The following CLIC4 variants were observed in gnomAD, a reference collection of about 807,000 sequenced individuals.
CLIC4 encodes the protein CLIC family member 4, also known as chloride intracellular channel protein 4.
Under a neutral mutation model 24.6 loss-of-function variants are expected in CLIC4, and 13 were observed. That is an observed-to-expected ratio of 0.53 (90% CI 0.34 to 0.84). CLIC4 has a LOEUF of 0.84. CLIC4 is among the 40% of genes least tolerant of loss of function. The probability of loss-of-function intolerance (pLI) is 0.01; values close to 1 mark genes in which losing one functional copy is unlikely to be tolerated. For missense variants in CLIC4, 227 were observed against 301.7 expected, an observed-to-expected ratio of 0.75 and a Z score of 1.83; for synonymous variants, 104 against 111.3, an observed-to-expected ratio of 0.93 and a Z score of 0.41.
At chr1:24,775,667 C>A (rs1639130121) in intron 1 of CLIC4, among the ~76,000 whole-genome samples, 1 of 150,770 alleles carries the variant, frequency 6.6e-6, no homozygotes, top group Admixed American at 6.6e-5. Flanking sequence ...CTAGAATTTA[C>A]ATTTTTGTGT....
At chr1:24,807,131 TA>T (rs570254600) in intron 2 of CLIC4, among the ~76,000 whole-genome samples, 3 of 150,310 alleles carry the variant, frequency 2.0e-5, no homozygotes. Flanking sequence ...CCCCCATCTC[TA>T]AAAAAAAAGA....
intron 1 of CLIC4, among the ~76,000 whole-genome samples, chr1:24,795,074 T>C (rs1012439479): frequency 2.6e-5 from 4 of 152,138 alleles, no homozygotes; most frequent in Non-Finnish European, 5.9e-5. Context: ...GAAATAACTA[T>C]TGGGCTCTAG....
intron 1 of CLIC4, among the ~76,000 whole-genome samples, chr1:24,796,638 C>T (rs1240885637): frequency 6.6e-6 from 1 of 152,172 alleles, no homozygotes; most frequent in African/African-American, 2.4e-5. Context: ...ACCATGTAGA[C>T]TAGGTGTGTA....
intron 1 of CLIC4, among the ~76,000 whole-genome samples, chr1:24,794,666 A>G (rs1194896886): frequency 2.6e-5 from 4 of 152,042 alleles, no homozygotes; most frequent in African/African-American, 9.7e-5. Context: ...TACTCTGTTG[A>G]TAGTTTCTTC....
At chr1:24,763,533 CAAAAAAAAAA>C (rs33955013) in intron 1 of CLIC4, among the ~76,000 whole-genome samples, 1 of 78,952 alleles carries the variant, frequency 1.3e-5, no homozygotes, top group Non-Finnish European at 2.2e-5. Context: ...ACTCCGTCTC[CAAAAAAAAAA>C]AAAAAAAAAA....
chr1:24,765,921 C>G (rs1286516547), intron 1 of CLIC4, among the ~76,000 whole-genome samples: 2 of 151,272 alleles, frequency 1.3e-5, no homozygotes, highest in South Asian at 4.2e-4. Flanking sequence ...AAGCAATTCT[C>G]CTGCCTCAGC....
chr1:24,840,285 G>A (rs953630882), intron 5 of CLIC4, among the ~76,000 whole-genome samples: 6 of 152,072 alleles, frequency 3.9e-5, no homozygotes, highest in African/African-American at 1.4e-4. Flanking sequence ...AAGATATAAT[G>A]CGTGACTTTG....
chr1:24,749,145 C>T (rs1009243578), intron 1 of CLIC4, among the ~76,000 whole-genome samples: 70 of 151,116 alleles, frequency 4.6e-4, no homozygotes, highest in African/African-American at 1.7e-3. Flanking sequence ...ACCTGGGAGG[C>T]GGTGGTTGCA....
At chr1:24,756,325 A>G (rs559917651) in intron 1 of CLIC4, among the ~76,000 whole-genome samples, 88 of 152,324 alleles carry the variant, frequency 5.8e-4, no homozygotes, top group African/African-American at 2.0e-3. Context: ...AAAAGTAACT[A>G]TTAGAACCAG....
At chr1:24,763,939 T>C (rs1638961234) in intron 1 of CLIC4, among the ~76,000 whole-genome samples, 1 of 152,242 alleles carries the variant, frequency 6.6e-6, no homozygotes, top group Non-Finnish European at 1.5e-5. Flanking sequence ...CATCTTTGCG[T>C]CCACCACGAT....
intron 1 of CLIC4, among the ~76,000 whole-genome samples, chr1:24,795,427 C>T (rs934740116): frequency 4.6e-5 from 7 of 151,638 alleles, no homozygotes; most frequent in Admixed American, 2.0e-4. Flanking sequence ...GAGGCTGAGG[C>T]GGGAGTATTT....
intron 3 of CLIC4, among the ~76,000 whole-genome samples, chr1:24,824,996 TCACACACACA>T (rs3220273): frequency 4.4e-4 from 59 of 133,956 alleles, no homozygotes; most frequent in South Asian, 1.3e-3. Context: ...GGAGACCCTG[TCACACACACA>T]CACACACACA....
intron 1 of CLIC4, 84 bp from the exon 2 acceptor site, chr1:24,797,658 T>C (rs1639419698): frequency 1.1e-6 from 1 of 933,196 alleles, no homozygotes; most frequent in Middle Eastern, 3.2e-4. Context: ...CTTCTTGTAC[T>C]CTTGATTAAA....
intron 4 of CLIC4, among the ~76,000 whole-genome samples, chr1:24,828,608 G>A (rs1639810623): frequency 6.8e-6 from 1 of 145,988 alleles, no homozygotes; most frequent in Admixed American, 7.1e-5. Context: ...GTTGGAGGGT[G>A]GTTAAATTTC....
chr1:24,816,660 A>C (rs776223443), intron 3 of CLIC4, among the ~76,000 whole-genome samples: 2 of 152,200 alleles, frequency 1.3e-5, no homozygotes. Flanking sequence ...TTATTAAATA[A>C]TAAGACTTGA....
intron 1 of CLIC4, among the ~76,000 whole-genome samples, chr1:24,783,682 G>A (rs995190852): frequency 3.9e-5 from 6 of 152,120 alleles, no homozygotes; most frequent in Admixed American, 2.6e-4. Context: ...TAGCCTGGGC[G>A]ACAGAGCAAG....
chr1:24,797,711 C>T, intron 1 of CLIC4, 31 bp from the exon 2 acceptor site: 2 of 1,501,778 alleles, frequency 1.3e-6, no homozygotes, highest in East Asian at 2.3e-5. Context: ...TCACTTTGAC[C>T]TTGTTTTTAA....
At chr1:24,750,901 C>T (rs1638765888) in intron 1 of CLIC4, among the ~76,000 whole-genome samples, 1 of 151,932 alleles carries the variant, frequency 6.6e-6, no homozygotes, top group Non-Finnish European at 1.5e-5. Flanking sequence ...CAGATCTCCC[C>T]TACTAGATAG....
rs532526397 is a variant in CLIC4 at position 24,791,883 on chromosome 1, AT to A, written c.73-5858del. The stretch of plus-strand genomic sequence containing the variant: ...AAGAGTGAAACTCCATCTCAAAAAA[AT>A]AAATAAATAAATAAATAAGCCAGCC... On this transcript the variant is annotated intron_variant, in intron 1 of 5. Transcript: ENST00000374379. Among the ~76,000 whole-genome samples, 18 of 151,140 alleles carry A rather than the reference AT, an allele frequency of 1.2e-4. No individual in the cohort carries two copies. The East Asian group carries it at 3.1e-3, about 26-fold the overall frequency.
Sources: gnomAD v4.1 joint callset for allele counts (sites outside exome capture counted in the v4.1 genomes callset) on GRCh38, gnomAD v4.1.1 for gene constraint, MANE v1.5 for transcripts, NCBI Gene and HGNC (gene_info 2026-07-23, HGNC 2026-07-21) for gene names.